PLCB4: variants seen among roughly 807,000 people sequenced by gnomAD.
PLCB4 encodes 1-phosphatidylinositol 4,5-bisphosphate phosphodiesterase beta-4.
PLCB4 carries 77 observed loss-of-function variants against 178.8 expected under a neutral mutation model. The observed-to-expected ratio is 0.43, with a 90% CI of 0.36 to 0.52. The LOEUF (loss-of-function observed/expected upper bound fraction) is 0.52. Among genes scored for constraint, PLCB4 ranks in the 20% least tolerant of loss-of-function variants. The pLI is 0.00. For missense variants in PLCB4, 1,024 were observed against 1,453.4 expected, an observed-to-expected ratio of 0.70 and a Z score of 4.80; for synonymous variants, 496 against 490.8, an observed-to-expected ratio of 1.01 and a Z score of -0.14.
Position 9,437,024 on chromosome 20 carries a change from G to A in PLCB4, c.2636G>A (p.Ser879Asn), listed in dbSNP as rs1462133142. 2.5e-6 allele frequency: 4 copies of A among 1,613,940 alleles called. No homozygotes were observed. Among genetic ancestry groups the A allele is most frequent in the African/African-American group, 1.3e-5 (1 of 74,904 alleles). ...IETSDIADVP[S>N]DTSKNDKKGK... ...CAGAGTGACATAGCCGACGTGCCCAGTGACACTTCCAAAAATGACAAGAAA... is the reference window on the plus strand; with the variant it reads ...CAGAGTGACATAGCCGACGTGCCCAATGACACTTCCAAAAATGACAAGAAA... The change falls in exon 30 of 40, where the codon AGT becomes AAT. Residue 879 changes from serine to asparagine, a missense_variant. By Grantham distance (46) the Ser-to-Asn change is conservative. Around this residue, in one of 7 missense-constraint regions of PLCB4, gnomAD observed 227 missense variants for 374.3 expected, o/e 0.61. Transcript: ENST00000378473.
At chr20:9,462,076 A>G (rs1158707787) in intron 35 of PLCB4, among the ~76,000 whole-genome samples, 1 of 152,152 alleles carries the variant, frequency 6.6e-6, no homozygotes, top group Non-Finnish European at 1.5e-5. Flanking sequence ...ATCAGGCAGC[A>G]ATATTTGCTG....
chr20:9,271,140 G>A (rs1489700238), intron 3 of PLCB4, among the ~76,000 whole-genome samples: 1 of 152,102 alleles, frequency 6.6e-6, no homozygotes, highest in Non-Finnish European at 1.5e-5. Flanking sequence ...TCCAGCCTTT[G>A]AGGACTTACC....
chr20:9,448,016 G>T (rs1036974175), intron 32 of PLCB4, among the ~76,000 whole-genome samples: 1 of 152,130 alleles, frequency 6.6e-6, no homozygotes, highest in Non-Finnish European at 1.5e-5. Flanking sequence ...CTGACACTTA[G>T]CTATCATCTC....
At chr20:9,216,800 C>T (rs541936467) in intron 2 of PLCB4, among the ~76,000 whole-genome samples, 1 of 152,284 alleles carries the variant, frequency 6.6e-6, no homozygotes, top group Non-Finnish European at 1.5e-5. Context: ...CCACTGCACC[C>T]GGCCACTTTT....
intron 14 of PLCB4, among the ~76,000 whole-genome samples, chr20:9,384,857 G>C (rs1366986634): frequency 6.6e-6 from 1 of 151,530 alleles, no homozygotes; most frequent in Non-Finnish European, 1.5e-5. Context: ...TTCTCAGAGA[G>C]GGGGATGTGG....
At chr20:9,199,223 C>T (rs1055164289) in intron 2 of PLCB4, among the ~76,000 whole-genome samples, 3 of 152,112 alleles carry the variant, frequency 2.0e-5, no homozygotes, top group African/African-American at 7.2e-5. Context: ...AACACTAAAT[C>T]ACCTTGACAA....
chr20:9,410,240 C>T (rs1315625468), intron 24 of PLCB4, among the ~76,000 whole-genome samples: 2 of 152,160 alleles, frequency 1.3e-5, no homozygotes, highest in Non-Finnish European at 2.9e-5. Flanking sequence ...CCCCACAGTG[C>T]TTGCTAGGTT....
chr20:9,228,238 G>A (rs935239999), intron 3 of PLCB4, among the ~76,000 whole-genome samples: 1 of 152,130 alleles, frequency 6.6e-6, no homozygotes, highest in Non-Finnish European at 1.5e-5. Flanking sequence ...AAGCAATTTT[G>A]AAAACAACTT....
chr20:9,075,173 T>C (rs6118469), intron 1 of PLCB4, among the ~76,000 whole-genome samples: 94,801 of 151,922 alleles, frequency 0.62, 29,706 homozygotes, highest in South Asian at 0.72. Context: ...AAAGTTAGAA[T>C]TGAGACTGAA....
intron 3 of PLCB4, among the ~76,000 whole-genome samples, chr20:9,243,523 G>T (rs1296033700): frequency 6.6e-6 from 1 of 152,212 alleles, no homozygotes; most frequent in Non-Finnish European, 1.5e-5. Flanking sequence ...GTTTAGAGAG[G>T]CATTTGCCAA....
At chr20:9,094,714 T>C (rs1047685483) in intron 1 of PLCB4, among the ~76,000 whole-genome samples, 2 of 152,166 alleles carry the variant, frequency 1.3e-5, no homozygotes, top group Non-Finnish European at 2.9e-5. Flanking sequence ...AATAGATATA[T>C]TATTTCTGGT....
intron 2 of PLCB4, among the ~76,000 whole-genome samples, chr20:9,120,611 A>C (rs1199479290): frequency 6.6e-6 from 1 of 152,030 alleles, no homozygotes; most frequent in Admixed American, 6.6e-5. Flanking sequence ...TCATCTGCAG[A>C]GTGTCATTTG....
intron 12 of PLCB4, among the ~76,000 whole-genome samples, chr20:9,377,282 A>G (rs1184288003): frequency 6.6e-6 from 1 of 152,118 alleles, no homozygotes; most frequent in Non-Finnish European, 1.5e-5. Context: ...CCATGGGGTG[A>G]ATAACCTGAG....
At chr20:9,362,402 G>A (rs987315102) in intron 7 of PLCB4, among the ~76,000 whole-genome samples, 1 of 152,126 alleles carries the variant, frequency 6.6e-6, no homozygotes, top group Admixed American at 6.6e-5. Flanking sequence ...ATGAAAGAAT[G>A]TTTTTCTTTT....
chr20:9,345,137 C>T (rs1180741467), intron 7 of PLCB4, among the ~76,000 whole-genome samples: 2 of 152,062 alleles, frequency 1.3e-5, no homozygotes, highest in African/African-American at 2.4e-5. Flanking sequence ...TGCAGTGAGC[C>T]GAGATTGCAC....
At chr20:9,128,319 A>T (rs2092181507) in intron 2 of PLCB4, among the ~76,000 whole-genome samples, 1 of 152,202 alleles carries the variant, frequency 6.6e-6, no homozygotes, top group African/African-American at 2.4e-5. Flanking sequence ...TACAACCTGC[A>T]GAACTATGAG....
At chr20:9,411,280 G>A (rs190671559) in intron 25 of PLCB4, among the ~76,000 whole-genome samples, 192 bp downstream of exon 25, 42 of 152,246 alleles carry the variant, frequency 2.8e-4, no homozygotes, top group African/African-American at 9.9e-4. Context: ...TACTAAGCAG[G>A]TTTTGGGTTT....
chr20:9,292,699 G>A lies in PLCB4; in HGVS notation c.-15-15101G>A, dbSNP rs139063880. Among the ~76,000 whole-genome samples, 739 of 152,326 alleles carry A rather than the reference G, an allele frequency of 4.9e-3. 4 individuals are homozygous for A. Among genetic ancestry groups the A allele is most frequent in the Middle Eastern group, 0.017 (5 of 294 alleles). On this transcript the variant is annotated intron_variant, in intron 3 of 39. Transcript: ENST00000378473. ...GGTTTTAGCCTGCAGCAGGCAGGCA[G>A]CAGGGTATGAGTGGAGAACAAAACA...
intron 4 of PLCB4, among the ~76,000 whole-genome samples, chr20:9,320,060 A>G (rs1003530950): frequency 6.6e-6 from 1 of 152,218 alleles, no homozygotes; most frequent in African/African-American, 2.4e-5. Context: ...TGCACAGAGT[A>G]AAGTGAAAGC....
Sources: gnomAD v4.1 joint callset for allele counts (sites outside exome capture counted in the v4.1 genomes callset) on GRCh38, gnomAD v4.1.1 for gene constraint, gnomAD v4.1.1 regional missense constraint, MANE v1.5 for transcripts, NCBI Gene and HGNC (gene_info 2026-07-23, HGNC 2026-07-21) for gene names.